PDE9A: variants seen among roughly 807,000 people sequenced by gnomAD.
The protein encoded by PDE9A is phosphodiesterase 9A.
A neutral mutation model predicts 87.4 loss-of-function variants in PDE9A; 60 were observed. The observed-to-expected ratio is 0.69, with a 90% CI of 0.56 to 0.85. The LOEUF (loss-of-function observed/expected upper bound fraction) is 0.85, where lower values mean the gene tolerates loss of function less well. Ranked by LOEUF, PDE9A falls within the 40% of genes least tolerant of loss-of-function variation. The pLI, the probability that PDE9A is intolerant of heterozygous loss-of-function variation, is 0.00. For missense variants in PDE9A, 665 were observed against 779.0 expected (o/e 0.85, Z 1.74); for synonymous variants, 272 against 279.4 (o/e 0.97, Z 0.27).
intron 8 of PDE9A, among the ~76,000 whole-genome samples, chr21:42,748,263 A>T (rs1338886726): frequency 2.0e-5 from 3 of 152,254 alleles, no homozygotes; most frequent in African/African-American, 7.2e-5. Context: ...GAAATGTGTA[A>T]ATGGAATTTC....
chr21:42,746,612 TC>T (rs999302007), intron 8 of PDE9A, among the ~76,000 whole-genome samples: 10 of 152,328 alleles, frequency 6.6e-5, no homozygotes, highest in African/African-American at 2.4e-4. Flanking sequence ...CCAAATGAGG[TC>T]ACCCTCAGAG....
At chr21:42,672,134 A>G (rs746145818) in intron 1 of PDE9A, among the ~76,000 whole-genome samples, 69 of 152,252 alleles carry the variant, frequency 4.5e-4, no homozygotes, top group Non-Finnish European at 8.2e-4. Context: ...ATTTATTCTG[A>G]GTATGCAATC....
At chr21:42,687,183 G>A (rs2059528012) in intron 2 of PDE9A, among the ~76,000 whole-genome samples, 1 of 152,162 alleles carries the variant, frequency 6.6e-6, no homozygotes, top group African/African-American at 2.4e-5. Flanking sequence ...GGTGGAGAAG[G>A]GCAATTGAAG....
intron 1 of PDE9A, among the ~76,000 whole-genome samples, chr21:42,658,047 C>T (rs773242519): frequency 1.3e-5 from 2 of 152,248 alleles, no homozygotes; most frequent in Non-Finnish European, 2.9e-5. Context: ...TGCCACCCAC[C>T]GTGGCTACGC....
At chr21:42,773,775 T>C (rs2057253054) in intron 19 of PDE9A, among the ~76,000 whole-genome samples, 1 of 148,102 alleles carries the variant, frequency 6.8e-6, no homozygotes, top group Non-Finnish European at 1.5e-5. Flanking sequence ...CACTCCAGCC[T>C]GGGCAACAGA....
intron 4 of PDE9A, among the ~76,000 whole-genome samples, chr21:42,715,801 C>G (rs1412691601): frequency 2.6e-5 from 4 of 151,700 alleles, no homozygotes; most frequent in African/African-American, 4.8e-5. Flanking sequence ...AATCGGTTCT[C>G]TCAGGGCTGT....
chr21:42,693,329 G>C (rs62215403), intron 3 of PDE9A, among the ~76,000 whole-genome samples: 16,044 of 148,894 alleles, frequency 0.11, 1,136 homozygotes, highest in East Asian at 0.35. Context: ...GACGGAGTCT[G>C]GCTCTGTCGC....
intron 1 of PDE9A, among the ~76,000 whole-genome samples, chr21:42,661,063 G>A (rs1164472064): frequency 1.4e-5 from 2 of 146,948 alleles, no homozygotes; most frequent in African/African-American, 2.5e-5. Flanking sequence ...ATGGAGTCTC[G>A]CTCTGTCGCC....
At chr21:42,706,717 A>C (rs35315370) in intron 4 of PDE9A, among the ~76,000 whole-genome samples, 2,582 of 152,092 alleles carry the variant, frequency 0.017, 52 homozygotes, top group South Asian at 0.046. Context: ...ACCACTATTT[A>C]ATTCCAGAAC....
chr21:42,710,401 T>G (rs2049218168), intron 4 of PDE9A, among the ~76,000 whole-genome samples: 1 of 125,828 alleles, frequency 7.9e-6, no homozygotes, highest in Non-Finnish European at 1.6e-5. Flanking sequence ...AGAGCGAGAC[T>G]CCATCTCAAA....
At chr21:42,670,604 C>T (rs1243320255) in intron 1 of PDE9A, among the ~76,000 whole-genome samples, 2 of 151,424 alleles carry the variant, frequency 1.3e-5, no homozygotes, top group Non-Finnish European at 2.9e-5. Flanking sequence ...TACACATGCA[C>T]TCACACACTA....
In PDE9A at chr21:42,737,437, G is replaced by C. The variant is rs185771421; in HGVS notation, c.568+4011G>C. On this transcript the variant is annotated intron_variant, in intron 7 of 19. Coordinates refer to ENST00000291539, the MANE Select transcript of PDE9A (RefSeq NM_002606.3). Reference sequence around the variant, plus strand: ...GCTTCTGCTATACATGAGCTGCTGTGAGCTGTTTTGTTTTGTCTTGTCTTG... The same window carrying C: ...GCTTCTGCTATACATGAGCTGCTGTCAGCTGTTTTGTTTTGTCTTGTCTTG... Among the ~76,000 whole-genome samples the C allele has an allele frequency of 6.2e-4, 94 of 152,288 alleles. 3 individuals carry two copies. The East Asian group carries it at 0.015, about 25-fold the overall frequency.
intron 8 of PDE9A, among the ~76,000 whole-genome samples, chr21:42,750,800 T>C (rs1398153670): frequency 1.3e-5 from 2 of 151,914 alleles, no homozygotes; most frequent in Non-Finnish European, 2.9e-5. Flanking sequence ...TTGGCCAGGA[T>C]GGTCTCGATC....
chr21:42,690,518 C>G (rs531782992), intron 3 of PDE9A, among the ~76,000 whole-genome samples: 5 of 121,506 alleles, frequency 4.1e-5, no homozygotes, highest in African/African-American at 1.3e-4. Flanking sequence ...AGACTCTCCT[C>G]TCTCATGACA....
chr21:42,670,268 T>C (rs867252290), intron 1 of PDE9A, among the ~76,000 whole-genome samples: 3 of 68,262 alleles, frequency 4.4e-5, no homozygotes, highest in African/African-American at 3.7e-4. Context: ...TTCACACACA[T>C]ATTCACACAT....
rs1002974213 is a variant in PDE9A, at chr21:42,730,319, C to T, written c.263-1451C>T. ...AATATAACAAAACATCATTTTTCTT[C>T]TTCTTATCAAGTCATAGAATGCTAA... On this transcript the variant is annotated intron_variant, in intron 4 of 19. Coordinates refer to ENST00000291539, the MANE Select transcript of PDE9A (RefSeq NM_002606.3). Among the ~76,000 whole-genome samples, 3 of 152,128 alleles carry T rather than the reference C, an allele frequency of 2.0e-5. No homozygotes were observed. In the East Asian group the frequency reaches 5.8e-4, roughly 29 times the overall value.
At chr21:42,736,565 G>A (rs977252214) in intron 7 of PDE9A, among the ~76,000 whole-genome samples, 2 of 152,140 alleles carry the variant, frequency 1.3e-5, no homozygotes, top group Non-Finnish European at 2.9e-5. Context: ...CGCTTCTATG[G>A]GTAAAACCGG....
intron 8 of PDE9A, among the ~76,000 whole-genome samples, chr21:42,745,094 A>C (rs958323460): frequency 2.0e-5 from 3 of 152,248 alleles, no homozygotes; most frequent in Non-Finnish European, 4.4e-5. Context: ...GCTGACGATC[A>C]TTCCCTGATT....
chr21:42,688,567 AG>A (rs1362943380), intron 3 of PDE9A, among the ~76,000 whole-genome samples: 1 of 152,214 alleles, frequency 6.6e-6, no homozygotes, highest in African/African-American at 2.4e-5. Flanking sequence ...CCCTCAGGTC[AG>A]TGACCTGCCC....
Sources: allele counts gnomAD v4.1 joint callset (sites outside exome capture counted in the v4.1 genomes callset), GRCh38; gene constraint gnomAD v4.1.1; transcripts MANE v1.5; gene names NCBI Gene and HGNC (gene_info 2026-07-23, HGNC 2026-07-21).